DCBLD2: variants seen among roughly 807,000 people sequenced by gnomAD.
DCBLD2 encodes the protein discoidin, CUB and LCCL domain-containing protein 2.
In DCBLD2, 54 loss-of-function variants were observed where a neutral mutation model predicts 86.8. The observed-to-expected ratio is 0.62, with a 90% CI of 0.50 to 0.78. DCBLD2 has a LOEUF of 0.78. DCBLD2 is among the 30% of genes least tolerant of loss of function. The pLI, the probability that DCBLD2 is intolerant of heterozygous loss-of-function variation, is 0.00. For missense variants in DCBLD2, 908 were observed against 954.2 expected (o/e 0.95, Z 0.64); for synonymous variants, 354 against 341.3 (o/e 1.04, Z -0.41).
At chr3:98,806,916 T>A (rs1941850071) in intron 13 of DCBLD2, among the ~76,000 whole-genome samples, 1 of 152,152 alleles carries the variant, frequency 6.6e-6, no homozygotes, top group Non-Finnish European at 1.5e-5. Flanking sequence ...TTTCCTAGAA[T>A]CAGTGTGTTA....
chr3:98,864,997 C>G (rs928220877), intron 2 of DCBLD2, among the ~76,000 whole-genome samples: 1 of 152,104 alleles, frequency 6.6e-6, no homozygotes, highest in Non-Finnish European at 1.5e-5. Context: ...TGGTACACTT[C>G]TACACTATTG....
intron 3 of DCBLD2, among the ~76,000 whole-genome samples, chr3:98,840,771 T>C (rs373563457): frequency 5.3e-5 from 8 of 152,230 alleles, no homozygotes; most frequent in African/African-American, 1.7e-4. Context: ...AGAAGACATA[T>C]GTGAGCCCCC....
chr3:98,836,916 G>T, intron 3 of DCBLD2, among the ~76,000 whole-genome samples: 1 of 80,504 alleles, frequency 1.2e-5, no homozygotes, highest in Non-Finnish European at 2.7e-5. Flanking sequence ...TGGCCGGGCG[G>T]GGGGCTGACC....
At chr3:98,886,165 C>T (rs1179271413) in intron 1 of DCBLD2, among the ~76,000 whole-genome samples, 2 of 151,850 alleles carry the variant, frequency 1.3e-5, no homozygotes, top group African/African-American at 2.4e-5. Context: ...TATGTTCCGA[C>T]TTTCCAATTT....
chr3:98,829,352 G>A (rs564320726), intron 3 of DCBLD2, among the ~76,000 whole-genome samples: 13 of 152,032 alleles, frequency 8.6e-5, no homozygotes, highest in Non-Finnish European at 1.9e-4. Flanking sequence ...GTAAACTTGT[G>A]TCATGGGGGT....
intron 2 of DCBLD2, among the ~76,000 whole-genome samples, chr3:98,863,280 C>T (rs9850351): frequency 0.021 from 3,235 of 152,224 alleles, 112 homozygotes; most frequent in African/African-American, 0.072. Flanking sequence ...TGAAAATGGC[C>T]ATACTGCCCA....
At chr3:98,820,721 T>C (rs1942103891) in intron 6 of DCBLD2, 1 of 152,230 alleles carries the variant, frequency 6.6e-6, no homozygotes, top group African/African-American at 2.4e-5. Context: ...GGCTCAAGTT[T>C]TTTCGGATAA....
chr3:98,901,646 C>A lies in DCBLD2; in HGVS notation c.-320G>T, dbSNP rs376649811. 1.5e-5 allele frequency: 3 copies of A among 203,944 alleles called. No homozygotes were observed. The highest frequency in any genetic ancestry group is 1.0e-4 in the East Asian group (1 of 9,628). The allele number at this position is 203,944 out of a possible 1,614,324, so 12.6% of individuals were successfully genotyped here. On this transcript the variant is annotated 5_prime_UTR_variant, in exon 1 of 16. Transcript: ENST00000326840. ...CCCGCGCCGCGCTCCTCACCAGGGT[C>A]GCCGCTCGCCGCGCTCACCCGCGGC...
chr3:98,822,143 T>G, intron 6 of DCBLD2, 85 bp downstream of exon 6: 1 of 1,478,432 alleles, frequency 6.8e-7, no homozygotes, highest in Non-Finnish European at 9.5e-7. Flanking sequence ...GTGATACTGC[T>G]GAGATCTAGC....
chr3:98,828,781 G>C (rs900579091), intron 3 of DCBLD2, among the ~76,000 whole-genome samples: 8 of 146,916 alleles, frequency 5.4e-5, no homozygotes. Context: ...TGAATGGATA[G>C]ATAAACAAAA....
Position 98,849,542 on chromosome 3 carries a change from C to A in DCBLD2, c.490G>T (p.Glu164Ter). 6.2e-7 allele frequency: 1 copy of A among 1,613,898 alleles called. No homozygotes were observed. The highest frequency in any genetic ancestry group is 8.5e-7 in the Non-Finnish European group (1 of 1,179,834). Residue 164 changes from glutamate to a stop codon, truncating the protein, a stop_gained, in exon 3 of 16, where the codon GAA becomes TAA. Transcript: ENST00000326840. LOFTEE classifies it high-confidence loss of function. The stretch of plus-strand genomic sequence containing the variant: ...CCACTCATGAACAGCAATGTGATTT[C>A]ATTGCCTTTTGATTCAATTGAATGG... Reference protein sequence around the residue: ...MNHSIESKGNEITLLFMSGIH... With the variant: ...MNHSIESKGN
chr3:98,867,827 G>T (rs1364262385), intron 2 of DCBLD2, among the ~76,000 whole-genome samples: 5 of 151,218 alleles, frequency 3.3e-5, no homozygotes, highest in African/African-American at 4.9e-5. Context: ...TTTTGAGACG[G>T]AGTCTCGCTC....
intron 4 of DCBLD2, 27 bp downstream of exon 4, chr3:98,825,288 A>T: frequency 6.7e-7 from 1 of 1,498,098 alleles, no homozygotes; most frequent in Non-Finnish European, 8.8e-7. Flanking sequence ...GCAAAAAAAA[A>T]AAAAAAAGTC....
chr3:98,837,059 CCA>C (rs1942478294), intron 3 of DCBLD2, among the ~76,000 whole-genome samples: 2 of 38,702 alleles, frequency 5.2e-5, no homozygotes, highest in South Asian at 1.0e-3. Flanking sequence ...CTGACCCCCC[CCA>C]TCTCCCTCCC....
rs569211029 is a variant in DCBLD2 at position 98,819,372 on chromosome 3, G to A, written c.917C>T (p.Pro306Leu). The change falls in exon 8 of 16, where the codon CCT becomes CTT. Residue 306 changes from proline to leucine, a missense_variant. By Grantham distance (98) the Pro-to-Leu change is moderately conservative. Coordinates refer to ENST00000326840, the MANE Select transcript of DCBLD2 (RefSeq NM_080927.4). ...LGMESGVIAD[P>L]QITASSVLEW... Reference sequence around the variant, plus strand: ...CAGCACAGATGATGCTGTTATTTGAGGATCCGCGATCACACCAGACTCCAT... The same window carrying A: ...CAGCACAGATGATGCTGTTATTTGAAGATCCGCGATCACACCAGACTCCAT... 8.7e-6 allele frequency: 14 copies of A among 1,613,688 alleles called. No homozygotes were observed. The East Asian group carries it at 2.2e-4, about 26-fold the overall frequency.
At chr3:98,900,392 C>T (rs546626090) in intron 1 of DCBLD2, among the ~76,000 whole-genome samples, 1 of 152,232 alleles carries the variant, frequency 6.6e-6, no homozygotes, top group Admixed American at 6.5e-5. Context: ...AAGAAATCAC[C>T]CTGCATTCTC....
rs56369137 is a variant in DCBLD2, at chr3:98,797,036, T to TAAA, written c.*2333_*2335dup. ...ATATGTATCAGACATATAAATGTAG[T>TAAA]AAAAAAAAAAAAAAAAAAAATAGAA... On this transcript the variant is annotated 3_prime_UTR_variant, in exon 16 of 16. Coordinates refer to ENST00000326840, the MANE Select transcript of DCBLD2 (RefSeq NM_080927.4). 7.5e-6 allele frequency: 1 copy of TAAA among 133,386 alleles called. No individual in the cohort carries two copies. Among genetic ancestry groups the TAAA allele is most frequent in the African/African-American group, 2.8e-5 (1 of 35,572 alleles). The allele number at this position is 133,386 out of a possible 1,614,324, so 8.3% of individuals were successfully genotyped here. A position where few individuals can be genotyped will look rare whatever the true frequency, so the allele number is the denominator to read the frequency against.
rs1260925267 is a variant in DCBLD2 at position 98,796,905 on chromosome 3, CTT to C, written c.*2465_*2466del. ...AAAACTTAATCCAATATACCAGTGA[CTT>C]TGAGTCTTAAATGTTGCAAGCAAAG... On this transcript the variant is annotated 3_prime_UTR_variant, in exon 16 of 16. Transcript: ENST00000326840. The C allele has an allele frequency of 6.6e-6, 1 of 152,508 alleles. No homozygotes were observed. Among genetic ancestry groups the C allele is most frequent in the East Asian group, 1.9e-4 (1 of 5,168 alleles). The allele number at this position is 152,508 out of a possible 1,614,324, so 9.4% of individuals were successfully genotyped here.
At chr3:98,860,325 C>G (rs1034905219) in intron 2 of DCBLD2, among the ~76,000 whole-genome samples, 1 of 152,086 alleles carries the variant, frequency 6.6e-6, no homozygotes, top group South Asian at 2.1e-4. Context: ...GGAGAACTTC[C>G]CCAACCTAGC....
Sources: allele counts gnomAD v4.1 joint callset (sites outside exome capture counted in the v4.1 genomes callset), GRCh38; gene constraint gnomAD v4.1.1; transcripts MANE v1.5; gene names NCBI Gene and HGNC (gene_info 2026-07-23, HGNC 2026-07-21).